EIF2B1: variants seen among roughly 807,000 people sequenced by gnomAD.
EIF2B1 encodes the protein eukaryotic translation initiation factor 2B subunit alpha, also known as translation initiation factor eIF2B subunit alpha.
In EIF2B1, 30 loss-of-function variants were observed where a neutral mutation model predicts 36.8. The ratio of observed to expected loss-of-function variants is 0.81; its 90% CI spans 0.61 to 1.10. EIF2B1 has a LOEUF of 1.10. Among genes scored for constraint, EIF2B1 ranks in the 50% least tolerant of loss-of-function variants. The pLI is 0.00. For synonymous variants in EIF2B1, 139 were observed against 142.2 expected (o/e 0.98, Z 0.16); for missense variants, 271 against 374.8 (o/e 0.72, Z 2.29).
Position 123,626,546 on chromosome 12 carries a change from G to A in EIF2B1, c.483-53C>T, listed in dbSNP as rs1477976247. The A allele has an allele frequency of 1.4e-5, 22 of 1,590,064 alleles. No homozygotes were observed. In the East Asian group the frequency reaches 4.9e-4, roughly 36 times the overall value. ...AGAAAGTACAAGACAGTACCACAGT[G>A]ATGTATGTCACCTAATGTGGACAGT... On this transcript the variant is annotated intron_variant, in intron 5 of 8. Transcript: ENST00000424014.
At chr12:123,621,989 G>T in intron 8 of EIF2B1, 69 bp from the exon 9 acceptor site, 1 of 1,586,458 alleles carries the variant, frequency 6.3e-7, no homozygotes, top group Non-Finnish European at 8.6e-7. Context: ...GCCTTGGTGT[G>T]AGTGATCAGT....
chr12:123,626,272 C>T (rs1955147788), intron 6 of EIF2B1, 153 bp downstream of exon 6: 2 of 827,556 alleles, frequency 2.4e-6, no homozygotes, highest in Non-Finnish European at 3.9e-6. Flanking sequence ...AACCTCATAA[C>T]AAGCTTGCTG....
intron 6 of EIF2B1, among the ~76,000 whole-genome samples, chr12:123,625,704 G>A (rs775111625): frequency 6.6e-6 from 1 of 152,134 alleles, no homozygotes; most frequent in Non-Finnish European, 1.5e-5. Context: ...TTGGCTTTGC[G>A]ACACAAGCTG....
chr12:123,627,219 A>G, intron 4 of EIF2B1, 63 bp from the exon 5 acceptor site: 3 of 1,296,062 alleles, frequency 2.3e-6, no homozygotes, highest in Non-Finnish European at 3.4e-6. Flanking sequence ...CACCCTCTGC[A>G]CTGCGGCACG....
intron 4 of EIF2B1, among the ~76,000 whole-genome samples, chr12:123,629,261 T>C (rs1042166809): frequency 6.6e-5 from 10 of 152,168 alleles, no homozygotes; most frequent in African/African-American, 2.4e-4. Context: ...ACACCTTTAC[T>C]GGAAGATGGT....
Position 123,621,374 on chromosome 12 carries a change from G to A in EIF2B1, c.*382C>T. 1 of 340,386 alleles carries A rather than the reference G, an allele frequency of 2.9e-6. No individual in the cohort carries two copies. The highest frequency in any genetic ancestry group is 2.4e-5 in the South Asian group (1 of 42,426). 21.1% of individuals were successfully genotyped at this position (340,386 alleles called of 1,614,324 possible). A position where few individuals can be genotyped will look rare whatever the true frequency, so the allele number is the denominator to read the frequency against. ...CAGCTGTTGGTCATTTGTGGCAGAG[G>A]GGTGTGGCTGCTTTTCGCCTGCATC... is the stretch of plus-strand genomic sequence containing the variant. On this transcript the variant is annotated 3_prime_UTR_variant, in exon 9 of 9. Transcript: ENST00000424014.
intron 7 of EIF2B1, among the ~76,000 whole-genome samples, chr12:123,624,368 C>T (rs1955132390): frequency 6.6e-6 from 1 of 151,348 alleles, no homozygotes; most frequent in Non-Finnish European, 1.5e-5. Context: ...ACGTGATACT[C>T]CTGCCTCAGC....
chr12:123,631,141 A>C (rs1402791825), intron 2 of EIF2B1, among the ~76,000 whole-genome samples: 1 of 152,196 alleles, frequency 6.6e-6, no homozygotes, highest in Non-Finnish European at 1.5e-5. Context: ...GGCCTAATAA[A>C]CACTTATAAA....
In EIF2B1 at chr12:123,621,807, G is replaced by C. The variant is rs1222221951; in HGVS notation, c.867C>G (p.Gly289=). Residue 289 remains glycine (G), a synonymous_variant, in exon 9 of 9, where the codon GGC becomes GGG. Coordinates refer to ENST00000424014, the MANE Select transcript of EIF2B1 (RefSeq NM_001414.4). The stretch of plus-strand genomic sequence containing the variant: ...CGCTGACTGCTGAGGGTGTCAGCAC[G>C]CCCAGGTCTGTAAACAGCAGAGTGA... The part of the protein sequence containing the change: ...SLITLLFTDL[G]VLTPSAVSDE... 28 of 1,613,900 alleles carry C rather than the reference G, an allele frequency of 1.7e-5. No individual in the cohort carries two copies. The highest frequency in any genetic ancestry group is 2.0e-5 in the Non-Finnish European group (24 of 1,180,042).
Position 123,627,085 on chromosome 12 carries a change from T to C in EIF2B1, c.441A>G (p.Arg147=). The C allele has an allele frequency of 6.2e-7, 1 of 1,614,180 alleles. No homozygotes were observed. The highest frequency in any genetic ancestry group is 8.5e-7 in the Non-Finnish European group (1 of 1,180,040). The stretch of plus-strand genomic sequence containing the variant: ...GTGACTCTGTGACGTATACACTAAA[T>C]CGCTTCTTGGCCGCCACGGCTGCTT... ...VLEAAVAAKK[R]FSVYVTESQP... Residue 147 remains arginine, a synonymous_variant, in exon 5 of 9, where the codon CGA becomes CGG. Coordinates refer to ENST00000424014, the MANE Select transcript of EIF2B1 (RefSeq NM_001414.4).
intron 1 of EIF2B1, 131 bp downstream of exon 1, chr12:123,633,414 G>C (rs895880841): frequency 1.4e-6 from 2 of 1,411,020 alleles, no homozygotes; most frequent in African/African-American, 2.8e-5. Flanking sequence ...TGTGACTCTG[G>C]AAACACAACC....
chr12:123,621,125 A>C lies in EIF2B1; in HGVS notation c.*631T>G, dbSNP rs1005797340. ...CCAAACATATTTAAACATCTCTTAC[A>C]CATACAGAATTTCAGTTTACAAATA... On this transcript the variant is annotated 3_prime_UTR_variant, in exon 9 of 9. Transcript: ENST00000424014. 1.9e-5 allele frequency: 3 copies of C among 159,242 alleles called. No homozygotes were observed. Among genetic ancestry groups the C allele is most frequent in the African/African-American group, 7.2e-5 (3 of 41,510 alleles). The allele number at this position is 159,242 out of a possible 1,614,324, so 9.9% of individuals were successfully genotyped here.
rs749395457 is a variant in EIF2B1 at position 123,629,609 on chromosome 12, C to T, written c.369+560G>A. Among the ~76,000 whole-genome samples, 12 of 152,060 alleles carry T rather than the reference C, an allele frequency of 7.9e-5. 1 individual carries two copies. The highest frequency in any genetic ancestry group is 1.5e-4 in the Non-Finnish European group (10 of 68,012). On this transcript the variant is annotated intron_variant, in intron 4 of 8. Transcript: ENST00000424014. ...GAGATCGAGACCATCCTGGCTAACA[C>T]AGTGAAACCCCGTCTCTACTAAAAA...
intron 5 of EIF2B1, chr12:123,626,813 C>A: frequency 1.4e-6 from 1 of 690,066 alleles, no homozygotes; most frequent in South Asian, 1.5e-5. Flanking sequence ...TCAATACAAT[C>A]TCTGCTCTTC....
At chr12:123,622,038 A>C (rs559956539) in intron 8 of EIF2B1, 118 bp from the exon 9 acceptor site, 648 of 1,397,858 alleles carry the variant, frequency 4.6e-4, no homozygotes, top group Admixed American at 9.6e-4. Flanking sequence ...AATGGGAGAA[A>C]CTAAGCTATG....
intron 2 of EIF2B1, 39 bp downstream of exon 2, chr12:123,632,306 C>A: frequency 8.0e-7 from 1 of 1,257,004 alleles, no homozygotes; most frequent in Non-Finnish European, 1.2e-6. Context: ...AAAAGACTAT[C>A]CTAAGTCCCA....
chr12:123,632,095 C>A (rs904311395), intron 2 of EIF2B1, among the ~76,000 whole-genome samples: 2 of 151,632 alleles, frequency 1.3e-5, no homozygotes, highest in African/African-American at 4.9e-5. Context: ...CATGGTGAAA[C>A]CCTGTCTCTA....
In EIF2B1 at chr12:123,633,652, G is replaced by GCGCGCTGCACACCTC. The variant is rs1955223480; in HGVS notation, c.-110_-96dup. The GCGCGCTGCACACCTC allele has an allele frequency of 6.3e-7, 1 of 1,575,160 alleles. No individual in the cohort carries two copies. Among genetic ancestry groups the GCGCGCTGCACACCTC allele is most frequent in the African/African-American group, 1.3e-5 (1 of 74,316 alleles). On this transcript the variant is annotated 5_prime_UTR_variant, in exon 1 of 9. Coordinates refer to ENST00000424014, the MANE Select transcript of EIF2B1 (RefSeq NM_001414.4). ...GCGCCGCCTGCGAGCCAGTCTGACA[G>GCGCGCTGCACACCTC]CGCGCTGCACACCTCCGCACCCCAC...
chr12:123,621,815 C>G lies in EIF2B1; in HGVS notation c.859G>C (p.Asp287His), dbSNP rs1302875952. 6.2e-7 allele frequency: 1 copy of G among 1,613,922 alleles called. No individual in the cohort carries two copies. Among genetic ancestry groups the G allele is most frequent in the Admixed American group, 1.7e-5 (1 of 60,010 alleles). ...GCTGAGGGTGTCAGCACGCCCAGGT[C>G]TGTAAACAGCAGAGTGATTAAGGAA... is the stretch of plus-strand genomic sequence containing the variant. ...APSLITLLFT[D>H]LGVLTPSAVS... is the part of the protein sequence containing the mutation. Residue 287 changes from aspartate to histidine, a missense_variant, in exon 9 of 9, where the codon GAC becomes CAC. Coordinates refer to ENST00000424014, the MANE Select transcript of EIF2B1 (RefSeq NM_001414.4).
Sources: gnomAD v4.1 joint callset for allele counts (sites outside exome capture counted in the v4.1 genomes callset) on GRCh38, gnomAD v4.1.1 for gene constraint, MANE v1.5 for transcripts, NCBI Gene and HGNC (gene_info 2026-07-23, HGNC 2026-07-21) for gene names.